Variants in DIO2 observed in about 807,000 individuals in gnomAD.
DIO2 encodes iodothyronine deiodinase 2.
DIO2 carries 19 observed loss-of-function variants against 21.4 expected under a neutral mutation model. The ratio of observed to expected loss-of-function variants is 0.89; its 90% CI spans 0.62 to 1.30. The LOEUF is 1.30. DIO2 is among the 50% of genes most tolerant of loss of function. The pLI is 0.00. For synonymous variants in DIO2, 122 were observed against 132.9 expected (o/e 0.92, Z 0.57); for missense variants, 302 against 338.1 (o/e 0.89, Z 0.84).
chr14:80,219,814 G>A (rs1888430103), intron 2 of DIO2, among the ~76,000 whole-genome samples: 1 of 152,122 alleles, frequency 6.6e-6, no homozygotes. Context: ...GCTAAATACA[G>A]TATTACAAAA....
intron 2 of DIO2, among the ~76,000 whole-genome samples, chr14:80,219,869 C>T (rs1888430986): frequency 6.6e-6 from 1 of 152,048 alleles, no homozygotes; most frequent in South Asian, 2.1e-4. Context: ...AAGTTTAAAA[C>T]GATTGTTTTG....
upstream of DIO2, among the ~76,000 whole-genome samples, chr14:80,213,687 G>C (rs1283342592): frequency 1.3e-5 from 2 of 151,956 alleles, no homozygotes; most frequent in Admixed American, 6.6e-5. Flanking sequence ...AACAGGGCAT[G>C]TAGAGGGCCT....
At chr14:80,230,529 C>A (rs957946668) in intron 2 of DIO2, among the ~76,000 whole-genome samples, 1 of 152,132 alleles carries the variant, frequency 6.6e-6, no homozygotes, top group African/African-American at 2.4e-5. Flanking sequence ...TTAGGAGGAA[C>A]AAATCAGCTT....
intron 1 of DIO2, chr14:80,205,770 G>T: frequency 8.1e-7 from 1 of 1,238,066 alleles, no homozygotes. Flanking sequence ...TACCAAATTC[G>T]TAATGCTCTT....
chr14:80,229,195 T>C (rs1271950168), intron 2 of DIO2, among the ~76,000 whole-genome samples: 1 of 152,082 alleles, frequency 6.6e-6, no homozygotes, highest in Non-Finnish European at 1.5e-5. Context: ...AGGAATGCAG[T>C]AGGCTTCCTA....
rs868209559 is a variant in DIO2, at chr14:80,202,396, C to T, written c.*293G>A. On this transcript the variant is annotated 3_prime_UTR_variant, in exon 2 of 2. Transcript: ENST00000438257. The stretch of plus-strand genomic sequence containing the variant: ...AAAGCATGCATCAGATGTATCAGTT[C>T]CTTCTCAATGCAGAATGAACACATG... 4.7e-6 allele frequency: 3 copies of T among 636,866 alleles called. No individual in the cohort carries two copies. Among genetic ancestry groups the T allele is most frequent in the Non-Finnish European group, 8.9e-6 (3 of 337,630 alleles). The allele number at this position is 636,866 out of a possible 1,614,324, so 39.5% of individuals were successfully genotyped here.
upstream of DIO2, among the ~76,000 whole-genome samples, chr14:80,213,466 G>A (rs141747612): frequency 1.4e-3 from 214 of 152,194 alleles, 1 homozygote; most frequent in African/African-American, 4.6e-3. Context: ...TTAATTTGTC[G>A]TCCTGTTAGC....
At chr14:80,207,062 C>A (rs1887982284) in intron 1 of DIO2, among the ~76,000 whole-genome samples, 1 of 152,142 alleles carries the variant, frequency 6.6e-6, no homozygotes, top group Non-Finnish European at 1.5e-5. Flanking sequence ...ACTTTTATCT[C>A]TCTCATCTGC....
At chr14:80,210,640 G>A (rs1237389468) in intron 1 of DIO2, among the ~76,000 whole-genome samples, 1 of 152,118 alleles carries the variant, frequency 6.6e-6, no homozygotes, top group Non-Finnish European at 1.5e-5. Context: ...CCTGAAAATC[G>A]CTTCCAAAGG....
intron 1 of DIO2, among the ~76,000 whole-genome samples, chr14:80,208,324 G>T (rs903752018): frequency 1.3e-5 from 2 of 151,906 alleles, no homozygotes; most frequent in South Asian, 4.2e-4. Flanking sequence ...ATCTTTAAAG[G>T]CTTCTCCATA....
intron 1 of DIO2, chr14:80,206,359 T>G (rs1299893059): frequency 1.5e-6 from 2 of 1,371,242 alleles, no homozygotes; most frequent in Non-Finnish European, 2.0e-6. Context: ...GAAAAAAAAC[T>G]TTTTTTAGAT....
chr14:80,207,514 G>A (rs1018500876), intron 1 of DIO2, among the ~76,000 whole-genome samples: 3 of 152,144 alleles, frequency 2.0e-5, no homozygotes, highest in African/African-American at 7.2e-5. Context: ...AAAATGAAGG[G>A]TGGGTGTGTG....
intron 1 of DIO2, chr14:80,206,227 C>G (rs1384767838): frequency 1.3e-6 from 2 of 1,507,380 alleles, no homozygotes; most frequent in Admixed American, 4.3e-5. Flanking sequence ...AAACACACAC[C>G]CACCATCCAT....
intron 2 of DIO2, chr14:80,216,839 C>T (rs917951609): frequency 6.6e-5 from 10 of 152,034 alleles, no homozygotes; most frequent in African/African-American, 1.7e-4. Context: ...TTCCTCGGCT[C>T]GTAGGAAACC....
chr14:80,211,160 T>TC (rs1257065084), intron 1 of DIO2, 91 bp downstream of exon 1: 2 of 1,247,946 alleles, frequency 1.6e-6, no homozygotes, highest in Non-Finnish European at 2.2e-6. Context: ...TTCACAGCTC[T>TC]CCCCCCAATG....
In DIO2 at chr14:80,203,189, C is replaced by A; in HGVS notation, c.322G>T (p.Glu108Ter). The change falls in exon 2 of 2, where the codon GAG (glutamate) becomes TAG (stop). Residue 108 changes from glutamate to a stop codon, truncating the protein, a stop_gained. Transcript: ENST00000438257. LOFTEE classifies it high-confidence loss of function. ...TCAAGAAGGTGGCATGTGGCTCCCT[C>A]AGCTATCTTCTCCTGGGTACCATTG... is the stretch of plus-strand genomic sequence containing the variant. Reference protein sequence around the residue: ...SGNGTQEKIAEGATCHLLDFA... With the variant: ...SGNGTQEKIA 1.9e-6 allele frequency: 3 copies of A among 1,610,054 alleles called. No individual in the cohort carries two copies. The highest frequency in any genetic ancestry group is 2.5e-6 in the Non-Finnish European group (3 of 1,178,182).
intron 2 of DIO2, among the ~76,000 whole-genome samples, chr14:80,222,620 T>C (rs1178889438): frequency 6.6e-6 from 1 of 152,222 alleles, no homozygotes; most frequent in Non-Finnish European, 1.5e-5. Context: ...TTAGCAACTT[T>C]CATTTAATAG....
intron 2 of DIO2, among the ~76,000 whole-genome samples, chr14:80,217,061 C>A (rs573151253): frequency 2.6e-5 from 4 of 152,196 alleles, no homozygotes; most frequent in African/African-American, 9.7e-5. Context: ...GGATGCCACA[C>A]CTCCTCCCTC....
At chr14:80,225,654 C>T (rs1166941805) in intron 2 of DIO2, among the ~76,000 whole-genome samples, 2 of 152,160 alleles carry the variant, frequency 1.3e-5, no homozygotes, top group African/African-American at 2.4e-5. Flanking sequence ...CAGCAAACAC[C>T]TCAGCAGGTC....
Sources: gnomAD v4.1 joint callset for allele counts (sites outside exome capture counted in the v4.1 genomes callset) on GRCh38, gnomAD v4.1.1 for gene constraint, MANE v1.5 for transcripts, NCBI Gene and HGNC (gene_info 2026-07-23, HGNC 2026-07-21) for gene names.